NEK6: variants seen among roughly 807,000 people sequenced by gnomAD.
The protein encoded by NEK6 is NIMA related kinase 6.
In NEK6, 27 loss-of-function variants were observed where a neutral mutation model predicts 43.5. The observed-to-expected ratio is 0.62, with a 90% CI of 0.46 to 0.86. NEK6 has a LOEUF of 0.86. Among genes scored for constraint, NEK6 ranks in the 40% least tolerant of loss-of-function variants. The pLI, the probability that NEK6 is intolerant of heterozygous loss-of-function variation, is 0.00. For synonymous variants in NEK6, 167 were observed against 164.1 expected, an observed-to-expected ratio of 1.02 and a Z score of -0.14; for missense variants, 318 against 414.4, an observed-to-expected ratio of 0.77 and a Z score of 2.02.
At chr9:124,309,644 CAT>C (rs2130844322) in intron 2 of NEK6, among the ~76,000 whole-genome samples, 1 of 152,320 alleles carries the variant, frequency 6.6e-6, no homozygotes, top group Non-Finnish European at 1.5e-5. Context: ...AGTTTGGAGA[CAT>C]AGAGCTGTCT....
In NEK6 at chr9:124,343,206, T is replaced by TG. The variant is rs1189314911; in HGVS notation, c.717+3548dup. ...TGAGTGGGGCTGTGCGGCTCGCAGC[T>TG]GGGGGGGCTGGACCACAGCCGGGGG... On this transcript the variant is annotated intron_variant, in intron 8 of 9. Transcript: ENST00000320246. This position sits in a 1 kb window ranked among gnomAD's most constrained non-coding sequence, Gnocchi z 5.1. 2.8e-5 allele frequency among the ~76,000 whole-genome samples: 2 copies of TG among 72,522 alleles called. No homozygotes were observed. The highest frequency in any genetic ancestry group is 1.1e-4 in the African/African-American group (2 of 18,800). The allele number at this position is 72,522 out of a possible 152,430, so 47.6% of individuals were successfully genotyped here. A position where few individuals can be genotyped will look rare whatever the true frequency, so the allele number is the denominator to read the frequency against.
At chr9:124,284,328 G>A (rs61447474) in intron 1 of NEK6, among the ~76,000 whole-genome samples, 21,730 of 152,214 alleles carry the variant, frequency 0.14, 1,623 homozygotes, top group Non-Finnish European at 0.17. Context: ...CATACTGGGC[G>A]AAGACCGAGA....
At chr9:124,315,689 T>TG (rs1833777896) in intron 4 of NEK6, among the ~76,000 whole-genome samples, 1 of 152,206 alleles carries the variant, frequency 6.6e-6, no homozygotes, top group African/African-American at 2.4e-5. Flanking sequence ...CAGCCTGGTC[T>TG]GGTCCCTGGT....
chr9:124,306,431 A>C (rs1301799785), intron 2 of NEK6, among the ~76,000 whole-genome samples: 1 of 152,154 alleles, frequency 6.6e-6, no homozygotes, highest in Non-Finnish European at 1.5e-5. Context: ...TGATCCCATG[A>C]GCCAGTGGCC....
rs143168919 is a variant in NEK6, at chr9:124,308,605, G to A, written c.91-3904G>A. On this transcript the variant is annotated intron_variant, in intron 2 of 9. Coordinates refer to ENST00000320246, the MANE Select transcript of NEK6 (RefSeq NM_014397.6). ...CGGGAGGCGGAGATTGCAATGAGCCGAGATCGCGCCACAGCGCTCCAGCCT... is the reference window on the plus strand; with the variant it reads ...CGGGAGGCGGAGATTGCAATGAGCCAAGATCGCGCCACAGCGCTCCAGCCT... 9.4e-3 allele frequency among the ~76,000 whole-genome samples: 1,420 copies of A among 150,774 alleles called. 24 individuals are homozygous for A. Among genetic ancestry groups the A allele is most frequent in the African/African-American group, 0.033 (1,330 of 40,750 alleles).
intron 9 of NEK6, among the ~76,000 whole-genome samples, chr9:124,350,081 C>A (rs187662633): frequency 6.6e-4 from 100 of 152,330 alleles, no homozygotes; most frequent in Admixed American, 3.9e-3. Context: ...ACCAGAGCCC[C>A]CTCTGGTTCA....
intron 8 of NEK6, among the ~76,000 whole-genome samples, chr9:124,344,657 G>A (rs944385786): frequency 2.0e-5 from 3 of 152,246 alleles, no homozygotes; most frequent in Admixed American, 6.5e-5. Context: ...CGGGCTGCCC[G>A]CTCTGCAGGA....
intron 1 of NEK6, among the ~76,000 whole-genome samples, chr9:124,290,331 T>C (rs1185002369): frequency 1.3e-5 from 2 of 152,200 alleles, no homozygotes; most frequent in Non-Finnish European, 2.9e-5. Context: ...AGGTCCTGAC[T>C]GGGAGTCCGG....
rs531758694 is a variant in NEK6 at position 124,340,524 on chromosome 9, T to C, written c.717+859T>C. ...TATAAGATGGGAACAGGACCACCTG[T>C]CTTGCATTGTCCTCAGTCCTGATAA... On this transcript the variant is annotated intron_variant, in intron 8 of 9. Coordinates refer to ENST00000320246, the MANE Select transcript of NEK6 (RefSeq NM_014397.6). Among the ~76,000 whole-genome samples the C allele has an allele frequency of 9.3e-4, 142 of 152,276 alleles. No individual in the cohort carries two copies. In the Middle Eastern group the frequency reaches 0.017, roughly 18 times the overall value.
Position 124,258,169 on chromosome 9 carries a change from C to T in NEK6, c.-30+84C>T, listed in dbSNP as rs1047871971. 1.6e-5 allele frequency: 16 copies of T among 976,088 alleles called. No individual in the cohort carries two copies. The African/African-American group carries it at 1.9e-4, about 12-fold the overall frequency. 60.5% of individuals were successfully genotyped at this position (976,088 alleles called of 1,614,324 possible). A position where few individuals can be genotyped will look rare whatever the true frequency, so the allele number is the denominator to read the frequency against. ...GGGCCGGGCGGCGGGGCCGTCACCC[C>T]CAGCCGGGCCGAGGGCGGGCGCGCG... On this transcript the variant is annotated intron_variant, in intron 1 of 9. Coordinates refer to ENST00000320246, the MANE Select transcript of NEK6 (RefSeq NM_014397.6).
intron 1 of NEK6, among the ~76,000 whole-genome samples, chr9:124,269,501 G>A (rs1242659235): frequency 2.6e-5 from 4 of 151,966 alleles, no homozygotes; most frequent in African/African-American, 9.7e-5. Context: ...AGCCTCCCGA[G>A]TAGCTGGGAT....
intron 7 of NEK6, among the ~76,000 whole-genome samples, chr9:124,330,549 T>C (rs909518850): frequency 1.3e-5 from 2 of 151,982 alleles, no homozygotes; most frequent in Non-Finnish European, 2.9e-5. Flanking sequence ...CCGTGCTGCC[T>C]CTTGGGGGCT....
At chr9:124,296,237 G>C (rs1238302073) in intron 1 of NEK6, among the ~76,000 whole-genome samples, 2 of 152,270 alleles carry the variant, frequency 1.3e-5, no homozygotes, top group Admixed American at 1.3e-4. Flanking sequence ...TTCGCTCGGG[G>C]CGGAGAGAAA....
chr9:124,294,567 T>C (rs1263296919), intron 1 of NEK6, among the ~76,000 whole-genome samples: 1 of 151,106 alleles, frequency 6.6e-6, no homozygotes, highest in Admixed American at 6.6e-5. Context: ...ACTTTGCCCA[T>C]TGAGAGGCAC....
chr9:124,327,455 A>G lies in NEK6; in HGVS notation c.622+10A>G, dbSNP rs188603051. On this transcript the variant is annotated intron_variant, in intron 7 of 9. Coordinates refer to ENST00000320246, the MANE Select transcript of NEK6 (RefSeq NM_014397.6). ...GCAGCCCACTCCCTAGGTAAGGGGG[A>G]CCTGTCTGTGCCCCAGCAGCCCCCA... 1.9e-6 allele frequency: 3 copies of G among 1,604,452 alleles called. No individual in the cohort carries two copies. Among genetic ancestry groups the G allele is most frequent in the East Asian group, 2.2e-5 (1 of 44,834 alleles).
At chr9:124,325,845 T>C (rs1015733781) in intron 5 of NEK6, among the ~76,000 whole-genome samples, 1 of 152,224 alleles carries the variant, frequency 6.6e-6, no homozygotes, top group African/African-American at 2.4e-5. Flanking sequence ...TGAGATCTGC[T>C]GGTTCCGAGG....
Position 124,258,053 on chromosome 9 carries a change from C to A in NEK6, c.-62C>A, listed in dbSNP as rs1830876577. On this transcript the variant is annotated 5_prime_UTR_variant, in exon 1 of 10. Transcript: ENST00000320246. ...GCCGCCCGCGGGCCAGCGCACCGGT[C>A]CCCCAGCGGCAGCCGAGCCCGCCCG... The A allele has an allele frequency of 1.0e-6, 1 of 979,090 alleles. No homozygotes were observed. The allele number at this position is 979,090 out of a possible 1,614,324, so 60.7% of individuals were successfully genotyped here.
intron 4 of NEK6, among the ~76,000 whole-genome samples, chr9:124,316,035 C>T (rs1404336618): frequency 6.6e-6 from 1 of 152,218 alleles, no homozygotes; most frequent in Non-Finnish European, 1.5e-5. Context: ...ATGGTTGCCA[C>T]CTCTGCCCGC....
At chr9:124,344,899 C>T (rs1000478201) in intron 8 of NEK6, among the ~76,000 whole-genome samples, 8 of 152,212 alleles carry the variant, frequency 5.3e-5, no homozygotes, top group Non-Finnish European at 1.2e-4. Context: ...GACGCCCCTC[C>T]GTGGTGGAGG....
Sources: gnomAD v4.1 joint callset for allele counts (sites outside exome capture counted in the v4.1 genomes callset) on GRCh38, gnomAD v4.1.1 for gene constraint, Gnocchi (gnomAD v3.1) non-coding constraint, MANE v1.5 for transcripts, NCBI Gene and HGNC (gene_info 2026-07-23, HGNC 2026-07-21) for gene names.